The following TMOD1 variants were observed in gnomAD, a reference collection of about 807,000 sequenced individuals.
TMOD1 encodes the protein tropomodulin 1.
In TMOD1, 17 loss-of-function variants were observed where a neutral mutation model predicts 40.6. That is an observed-to-expected ratio of 0.42 (90% CI 0.29 to 0.63). The LOEUF is 0.63. Among genes scored for constraint, TMOD1 ranks in the 20% least tolerant of loss-of-function variants. The pLI, the probability that TMOD1 is intolerant of heterozygous loss-of-function variation, is 0.22. For missense variants in TMOD1, 391 were observed against 447.6 expected (o/e 0.87, Z 1.14); for synonymous variants, 181 against 175.0 (o/e 1.03, Z -0.27).
At chr9:97,529,845 T>A (rs1383049529) in intron 2 of TMOD1, among the ~76,000 whole-genome samples, 1 of 152,214 alleles carries the variant, frequency 6.6e-6, no homozygotes, top group Non-Finnish European at 1.5e-5. Flanking sequence ...ACAGTTTTCA[T>A]ATGAGTAATA....
At chr9:97,531,038 C>CCG (rs1554754343) in intron 2 of TMOD1, among the ~76,000 whole-genome samples, 4 of 118,022 alleles carry the variant, frequency 3.4e-5, no homozygotes, top group Non-Finnish European at 6.9e-5. Context: ...TCCACACCCA[C>CCG]CCCCCCCACC....
intron 6 of TMOD1, 91 bp from the exon 7 acceptor site, chr9:97,565,757 G>A: frequency 9.8e-7 from 1 of 1,022,838 alleles, no homozygotes; most frequent in Non-Finnish European, 1.5e-6. Context: ...AGACTTGCCA[G>A]GAATCAGAGA....
intron 2 of TMOD1, among the ~76,000 whole-genome samples, chr9:97,532,707 C>T (rs560322687): frequency 1.8e-4 from 27 of 152,186 alleles, no homozygotes; most frequent in African/African-American, 6.0e-4. Flanking sequence ...CTCTACTGAG[C>T]GCTTTCTATT....
chr9:97,593,307 C>T (rs541173515), intron 9 of TMOD1, among the ~76,000 whole-genome samples: 15 of 152,286 alleles, frequency 9.8e-5, no homozygotes, highest in Admixed American at 2.0e-4. Context: ...AAAACTCTCC[C>T]AGTCCTGTGA....
intron 9 of TMOD1, among the ~76,000 whole-genome samples, chr9:97,591,895 A>G (rs1826010057): frequency 2.0e-5 from 3 of 152,220 alleles, no homozygotes; most frequent in South Asian, 4.1e-4. Flanking sequence ...TTTTAAGGTA[A>G]AAGTTGAAAA....
chr9:97,591,397 T>A lies in TMOD1; in HGVS notation c.977T>A (p.Leu326His). 1 of 1,614,218 alleles carries A rather than the reference T, an allele frequency of 6.2e-7. No individual in the cohort carries two copies. The highest frequency in any genetic ancestry group is 8.5e-7 in the Non-Finnish European group (1 of 1,180,042). ...GYHFTQQGPR[L>H]RASNAMMNNN... ...CACTTTACCCAGCAAGGACCCCGGC[T>A]TCGGGCATCCAACGCAATGATGAAC... is the stretch of plus-strand genomic sequence containing the variant. Residue 326 changes from leucine (L) to histidine (H), a missense_variant, in exon 9 of 10, where the codon CTT becomes CAT. Leu to His is a moderately conservative substitution (Grantham distance 99, BLOSUM62 -3). Coordinates refer to ENST00000259365, the MANE Select transcript of TMOD1 (RefSeq NM_003275.4).
chr9:97,588,884 A>G (rs548544086), intron 8 of TMOD1, among the ~76,000 whole-genome samples: 1 of 152,258 alleles, frequency 6.6e-6, no homozygotes, highest in South Asian at 2.1e-4. Context: ...ACTTTGGCCA[A>G]GGCAGGTGGA....
intron 3 of TMOD1, among the ~76,000 whole-genome samples, chr9:97,552,215 TTGAATAGCAGCAGTAAAAG>T (rs1401932252): frequency 9.2e-5 from 14 of 152,224 alleles, no homozygotes; most frequent in African/African-American, 3.4e-4. Context: ...CAGTGCAATG[TTGAATAGCAGCAGTAAAAG>T]TGGGCACCCT....
In TMOD1 at chr9:97,591,347, CG is replaced by C. The variant is rs1564000934; in HGVS notation, c.928del (p.Ala310GlnfsTer23). 2 of 1,614,132 alleles carry C rather than the reference CG, an allele frequency of 1.2e-6. No individual in the cohort carries two copies. The highest frequency in any genetic ancestry group is 1.1e-5 in the South Asian group (1 of 91,076). ...MEIVSMLEKN[A>X]TLLKFGYHFT... ...AGATTGTGAGCATGTTGGAAAAAAA[CG>C]CAACACTTCTCAAATTCGGCTACCA... On this transcript the variant is annotated frameshift_variant, in exon 9 of 10. Coordinates refer to ENST00000259365, the MANE Select transcript of TMOD1 (RefSeq NM_003275.4). LOFTEE classifies it high-confidence loss of function.
In TMOD1 at chr9:97,514,242, G is replaced by GC. The variant is rs1272661116; in HGVS notation, c.-48-9899_-48-9898insC. On this transcript the variant is annotated intron_variant, in intron 1 of 9. Coordinates refer to ENST00000259365, the MANE Select transcript of TMOD1 (RefSeq NM_003275.4). Reference sequence around the variant, plus strand: ...ACACCTGGCTAATGTTTTTTTTTTGGGGGGGGGGTTGTGTTTTCTTTTTTT... The same window carrying GC: ...ACACCTGGCTAATGTTTTTTTTTTGGCGGGGGGGGTTGTGTTTTCTTTTTTT... Among the ~76,000 whole-genome samples the GC allele has an allele frequency of 1.1e-4, 11 of 99,966 alleles. No individual in the cohort carries two copies. In the East Asian group the frequency reaches 2.8e-3, roughly 26 times the overall value. 65.6% of individuals were successfully genotyped at this position (99,966 alleles called of 152,430 possible). A position where few individuals can be genotyped will look rare whatever the true frequency, so the allele number is the denominator to read the frequency against.
chr9:97,596,637 T>A (rs1248280577), intron 9 of TMOD1, among the ~76,000 whole-genome samples: 1 of 152,214 alleles, frequency 6.6e-6, no homozygotes, highest in East Asian at 1.9e-4. Context: ...TGCTCCACAT[T>A]GGGAGATGGT....
rs1830549018 is a variant in TMOD1 at position 97,557,137 on chromosome 9, G to A, written c.397+3737G>A. On this transcript the variant is annotated intron_variant, in intron 4 of 9. Coordinates refer to ENST00000259365, the MANE Select transcript of TMOD1 (RefSeq NM_003275.4). This position sits in a 1 kb window ranked among gnomAD's most constrained non-coding sequence, Gnocchi z 4.4. ...CCAGGAGGTGATGAGGAGGACAGACGAGAAACATGTATTTTTTTTTTAACC... is the reference window on the plus strand; with the variant it reads ...CCAGGAGGTGATGAGGAGGACAGACAAGAAACATGTATTTTTTTTTTAACC... Among the ~76,000 whole-genome samples the A allele has an allele frequency of 6.6e-6, 1 of 152,156 alleles. No homozygotes were observed. The highest frequency in any genetic ancestry group is 2.1e-4 in the South Asian group (1 of 4,828).
At chr9:97,576,480 A>T (rs988851946) in intron 8 of TMOD1, among the ~76,000 whole-genome samples, 15 of 152,274 alleles carry the variant, frequency 9.9e-5, no homozygotes, top group African/African-American at 3.6e-4. Context: ...TAAATATTAA[A>T]ATAAAATGAA....
chr9:97,515,796 C>T (rs1451325208), intron 1 of TMOD1, among the ~76,000 whole-genome samples: 2 of 152,006 alleles, frequency 1.3e-5, no homozygotes, highest in Non-Finnish European at 2.9e-5. Flanking sequence ...AGAGCTCAGC[C>T]CTCTCAGTTC....
chr9:97,566,220 C>T (rs1313717713), intron 7 of TMOD1, among the ~76,000 whole-genome samples: 1 of 152,134 alleles, frequency 6.6e-6, no homozygotes, highest in Non-Finnish European at 1.5e-5. Flanking sequence ...ATCTAGGGTT[C>T]GGAGAGGTCA....
At chr9:97,560,197 G>A (rs74518426) in intron 4 of TMOD1, among the ~76,000 whole-genome samples, 3 of 152,042 alleles carry the variant, frequency 2.0e-5, no homozygotes, top group African/African-American at 7.3e-5. Flanking sequence ...AGGTGGAAGA[G>A]AAAATATCCT....
At chr9:97,526,361 T>A (rs1830013799) in intron 2 of TMOD1, among the ~76,000 whole-genome samples, 1 of 152,214 alleles carries the variant, frequency 6.6e-6, no homozygotes, top group Non-Finnish European at 1.5e-5. Context: ...TCTCTTTGGT[T>A]GTGTATGTGG....
Position 97,601,595 on chromosome 9 carries a change from C to A in TMOD1, c.*1897C>A. 1.0e-6 allele frequency: 1 copy of A among 987,178 alleles called. No homozygotes were observed. The highest frequency in any genetic ancestry group is 1.2e-6 in the Non-Finnish European group (1 of 831,202). The allele number at this position is 987,178 out of a possible 1,614,324, so 61.2% of individuals were successfully genotyped here. ...ATGAGCTGCTGGTCTAGATCAGGGG[C>A]TGGCAAACTTTTCTGTAAAAGGCCA... On this transcript the variant is annotated 3_prime_UTR_variant, in exon 10 of 10. Coordinates refer to ENST00000259365, the MANE Select transcript of TMOD1 (RefSeq NM_003275.4).
chr9:97,551,015 T>TATATATATA (rs1491279262), intron 3 of TMOD1, among the ~76,000 whole-genome samples: 10 of 5,130 alleles, frequency 1.9e-3, no homozygotes, highest in African/African-American at 5.5e-3. Context: ...TATATATATA[T>TATATATATA]TTTTTTTTTT....
Sources: gnomAD v4.1 joint callset for allele counts (sites outside exome capture counted in the v4.1 genomes callset) on GRCh38, gnomAD v4.1.1 for gene constraint, Gnocchi (gnomAD v3.1) non-coding constraint, MANE v1.5 for transcripts, NCBI Gene and HGNC (gene_info 2026-07-23, HGNC 2026-07-21) for gene names.